The following PRKG1 variants were observed in gnomAD, a reference collection of about 807,000 sequenced individuals.
PRKG1 encodes the protein cGMP-dependent protein kinase 1.
Under a neutral mutation model 88.1 loss-of-function variants are expected in PRKG1, and 35 were observed. The ratio of observed to expected loss-of-function variants is 0.40; its 90% CI spans 0.30 to 0.53. PRKG1 has a LOEUF of 0.53. Among genes scored for constraint, PRKG1 ranks in the 20% least tolerant of loss-of-function variants. PRKG1 has a pLI of 0.59. For synonymous variants in PRKG1, 303 were observed against 292.5 expected, an observed-to-expected ratio of 1.04 and a Z score of -0.37; for missense variants, 540 against 839.8, an observed-to-expected ratio of 0.64 and a Z score of 4.41.
chr10:51,991,529 C>G (rs189461463), intron 5 of PRKG1, among the ~76,000 whole-genome samples: 1 of 152,112 alleles, frequency 6.6e-6, no homozygotes, highest in African/African-American at 2.4e-5. Context: ...ATCCCTCCCC[C>G]ACTCCCCCAG....
chr10:52,145,766 C>G (rs1373969879), intron 8 of PRKG1, among the ~76,000 whole-genome samples: 1 of 152,174 alleles, frequency 6.6e-6, no homozygotes, highest in Non-Finnish European at 1.5e-5. Context: ...TCATAAAGAT[C>G]TAAGACTTTT....
intron 2 of PRKG1, among the ~76,000 whole-genome samples, chr10:51,341,900 A>G (rs1198009976): frequency 1.3e-5 from 2 of 152,174 alleles, no homozygotes; most frequent in Non-Finnish European, 2.9e-5. Flanking sequence ...GGGAACTCCC[A>G]TTTGTAAAAC....
At chr10:51,582,963 C>A (rs1364280159) in intron 3 of PRKG1, among the ~76,000 whole-genome samples, 3 of 152,132 alleles carry the variant, frequency 2.0e-5, no homozygotes, top group Non-Finnish European at 4.4e-5. Flanking sequence ...TACTACTTTA[C>A]TGTTTTGAAC....
chr10:51,252,598 T>C (rs1425719140), intron 2 of PRKG1, among the ~76,000 whole-genome samples: 2 of 142,286 alleles, frequency 1.4e-5, no homozygotes, highest in East Asian at 1.9e-4. Flanking sequence ...ATTATCATTC[T>C]CTCAACTCTA....
intron 7 of PRKG1, among the ~76,000 whole-genome samples, chr10:52,063,484 C>T (rs951714697): frequency 2.0e-5 from 3 of 152,234 alleles, no homozygotes; most frequent in African/African-American, 7.2e-5. Flanking sequence ...CTCTTCTCTC[C>T]TTGTCTTCAC....
At chr10:51,038,111 G>A (rs1843376229) in intron 1 of PRKG1, among the ~76,000 whole-genome samples, 1 of 152,284 alleles carries the variant, frequency 6.6e-6, no homozygotes, top group East Asian at 1.9e-4. Flanking sequence ...GCCTGTTTCT[G>A]CATACAGGCC....
At chr10:51,771,558 C>T (rs1037833001) in intron 3 of PRKG1, among the ~76,000 whole-genome samples, 6 of 152,036 alleles carry the variant, frequency 3.9e-5, no homozygotes, top group African/African-American at 1.4e-4. Context: ...GTGTCTTTTG[C>T]TATTATTCCA....
At chr10:51,295,273 A>G (rs778022744) in intron 2 of PRKG1, among the ~76,000 whole-genome samples, 3 of 152,134 alleles carry the variant, frequency 2.0e-5, no homozygotes, top group Non-Finnish European at 4.4e-5. Context: ...ATAACCATGT[A>G]TGTCTTTCCA....
intron 5 of PRKG1, chr10:51,908,123 A>C (rs942165950): frequency 6.6e-6 from 1 of 152,218 alleles, no homozygotes; most frequent in African/African-American, 2.4e-5. Context: ...CAGCAGGAGG[A>C]AGTTTTTCTG....
At chr10:51,042,226 C>G (rs1405288905) in intron 1 of PRKG1, among the ~76,000 whole-genome samples, 1 of 152,058 alleles carries the variant, frequency 6.6e-6, no homozygotes, top group Non-Finnish European at 1.5e-5. Context: ...ATTAAAAAAC[C>G]CCTGGTAACC....
intron 2 of PRKG1, among the ~76,000 whole-genome samples, chr10:51,410,911 T>C (rs1334766656): frequency 6.6e-6 from 1 of 152,084 alleles, no homozygotes. Context: ...TACACATTTA[T>C]TTTTAAATTC....
intron 4 of PRKG1, among the ~76,000 whole-genome samples, chr10:51,898,628 T>C (rs1190811150): frequency 2.6e-5 from 4 of 152,054 alleles, no homozygotes; most frequent in African/African-American, 9.6e-5. Context: ...TGAGGCCAGG[T>C]GTTTGAAACC....
chr10:51,700,250 A>G (rs530650441), intron 3 of PRKG1, among the ~76,000 whole-genome samples: 1 of 152,282 alleles, frequency 6.6e-6, no homozygotes, highest in African/African-American at 2.4e-5. Context: ...CTGTTAATGG[A>G]TGGGTGGCAG....
At chr10:52,194,638 C>T (rs1839459372) in intron 9 of PRKG1, among the ~76,000 whole-genome samples, 1 of 151,932 alleles carries the variant, frequency 6.6e-6, no homozygotes, top group African/African-American at 2.4e-5. Context: ...AGCTAAATAC[C>T]AGAACAGTGT....
chr10:51,485,596 A>G (rs1413405620), intron 3 of PRKG1, among the ~76,000 whole-genome samples: 2 of 152,318 alleles, frequency 1.3e-5, no homozygotes, highest in South Asian at 4.1e-4. Context: ...GTCATTGTTC[A>G]AGAGAGGCAA....
chr10:51,397,501 G>C (rs1837611913), intron 2 of PRKG1, among the ~76,000 whole-genome samples: 2 of 152,106 alleles, frequency 1.3e-5, no homozygotes, highest in Non-Finnish European at 2.9e-5. Flanking sequence ...AGAGGCCCTC[G>C]AGTTGGACTT....
intron 1 of PRKG1, among the ~76,000 whole-genome samples, chr10:51,095,031 A>G (rs1042490859): frequency 6.6e-6 from 1 of 152,158 alleles, no homozygotes; most frequent in Non-Finnish European, 1.5e-5. Flanking sequence ...TTTTCCCTGC[A>G]GAGCACTGAT....
chr10:51,593,745 G>C lies in PRKG1; in HGVS notation c.592+125909G>C, dbSNP rs1285542077. Among the ~76,000 whole-genome samples, 3 of 149,866 alleles carry C rather than the reference G, an allele frequency of 2.0e-5. No individual in the cohort carries two copies. The East Asian group carries it at 5.8e-4, about 29-fold the overall frequency. On this transcript the variant is annotated intron_variant, in intron 3 of 17. Coordinates refer to ENST00000373980, the MANE Select transcript of PRKG1 (RefSeq NM_006258.4). ...GAAGGCAGTTCCTTTTTTTTTTTAA[G>C]ACGGAGTCTCGGTCTGTCACCCAGG...
At chr10:51,725,435 C>CT (rs35443695) in intron 3 of PRKG1, among the ~76,000 whole-genome samples, 51,901 of 146,292 alleles carry the variant, frequency 0.35, 9,840 homozygotes, top group Middle Eastern at 0.51. Flanking sequence ...ACTTAGGCAA[C>CT]TTTTTTTTTT....
Sources: gnomAD v4.1 joint callset for allele counts (sites outside exome capture counted in the v4.1 genomes callset) on GRCh38, gnomAD v4.1.1 for gene constraint, MANE v1.5 for transcripts, NCBI Gene and HGNC (gene_info 2026-07-23, HGNC 2026-07-21) for gene names.